The following LPXN variants were observed in gnomAD, a reference collection of about 807,000 sequenced individuals.
The protein encoded by LPXN is leupaxin.
In LPXN, 28 loss-of-function variants were observed where a neutral mutation model predicts 45.6. The observed-to-expected ratio is 0.61, with a 90% CI of 0.45 to 0.84. The LOEUF is 0.84. Ranked by LOEUF, LPXN falls within the 40% of genes least tolerant of loss-of-function variation. The pLI, the probability that LPXN is intolerant of heterozygous loss-of-function variation, is 0.00. For missense variants in LPXN, 459 were observed against 475.0 expected (o/e 0.97, Z 0.31); for synonymous variants, 166 against 169.9 (o/e 0.98, Z 0.18).
At chr11:58,555,417 A>G (rs978295727) in intron 3 of LPXN, among the ~76,000 whole-genome samples, 4 of 152,180 alleles carry the variant, frequency 2.6e-5, no homozygotes, top group African/African-American at 9.7e-5. Flanking sequence ...AGTTTAGATA[A>G]TATATATGAT....
At chr11:58,531,539 C>G (rs914570176) in intron 7 of LPXN, among the ~76,000 whole-genome samples, 2 of 151,808 alleles carry the variant, frequency 1.3e-5, no homozygotes, top group African/African-American at 4.8e-5. Flanking sequence ...ATAAAGCCTC[C>G]AAGAAATATG....
At chr11:58,570,137 T>G (rs1489435193) in intron 2 of LPXN, among the ~76,000 whole-genome samples, 4 of 152,012 alleles carry the variant, frequency 2.6e-5, no homozygotes, top group Non-Finnish European at 5.9e-5. Context: ...AACCCGTCTC[T>G]ACTAAAAATA....
chr11:58,561,868 C>T (rs1179614480), intron 3 of LPXN, among the ~76,000 whole-genome samples: 2 of 152,138 alleles, frequency 1.3e-5, no homozygotes, highest in Non-Finnish European at 1.5e-5. Context: ...AAATGAGAGA[C>T]CTTGAAGAGT....
chr11:58,555,898 T>G (rs985210831), intron 3 of LPXN, among the ~76,000 whole-genome samples: 1 of 151,810 alleles, frequency 6.6e-6, no homozygotes, highest in African/African-American at 2.4e-5. Flanking sequence ...AACTTCCAAG[T>G]CAAGAGTCTC....
At chr11:58,539,069 G>A (rs2120241869) in intron 7 of LPXN, among the ~76,000 whole-genome samples, 1 of 152,290 alleles carries the variant, frequency 6.6e-6, no homozygotes, top group Admixed American at 6.5e-5. Context: ...AACTTTGAGA[G>A]GCTGAGGCGG....
chr11:58,560,482 C>G (rs539976337), intron 3 of LPXN, among the ~76,000 whole-genome samples: 1 of 152,264 alleles, frequency 6.6e-6, no homozygotes, highest in African/African-American at 2.4e-5. Context: ...TTGGCTGATA[C>G]CATTACACTT....
intron 3 of LPXN, among the ~76,000 whole-genome samples, chr11:58,561,282 G>C (rs1239783573): frequency 6.6e-6 from 1 of 152,136 alleles, no homozygotes; most frequent in African/African-American, 2.4e-5. Context: ...AAGAAAAGTT[G>C]ATACTTTTCT....
At chr11:58,540,090 A>G (rs1853669780) in intron 7 of LPXN, among the ~76,000 whole-genome samples, 1 of 152,144 alleles carries the variant, frequency 6.6e-6, no homozygotes, top group Admixed American at 6.6e-5. Flanking sequence ...CAGACCCCCG[A>G]AAACTGAACC....
rs374118667 is a variant in LPXN at position 58,543,897 on chromosome 11, T to A, written c.742+5889A>T. 5.3e-5 allele frequency among the ~76,000 whole-genome samples: 8 copies of A among 152,270 alleles called. No homozygotes were observed. The South Asian group carries it at 8.3e-4, about 16-fold the overall frequency. On this transcript the variant is annotated intron_variant, in intron 7 of 8. Coordinates refer to ENST00000395074, the MANE Select transcript of LPXN (RefSeq NM_004811.3). Reference sequence around the variant, plus strand: ...ATCAGCTTTGATAATAGCAGCCAGATCACAACATGACAATAGAAGCAGCTA... The same window carrying A: ...ATCAGCTTTGATAATAGCAGCCAGAACACAACATGACAATAGAAGCAGCTA...
intron 2 of LPXN, among the ~76,000 whole-genome samples, chr11:58,564,976 G>A (rs1000645764): frequency 1.3e-5 from 2 of 152,168 alleles, no homozygotes; most frequent in Non-Finnish European, 2.9e-5. Flanking sequence ...GTGGAACCAC[G>A]AGAAGGAGAG....
At chr11:58,529,623 A>G (rs1853327062) in intron 7 of LPXN, among the ~76,000 whole-genome samples, 1 of 151,680 alleles carries the variant, frequency 6.6e-6, no homozygotes, top group African/African-American at 2.4e-5. Context: ...AAAAAAAAAA[A>G]AGTAAAAAAA....
chr11:58,577,618 C>A (rs1257850471), upstream of LPXN, among the ~76,000 whole-genome samples: 3 of 152,162 alleles, frequency 2.0e-5, no homozygotes, highest in South Asian at 4.1e-4. Context: ...CGGAAATTCC[C>A]TTTGATGAAT....
intron 4 of LPXN, among the ~76,000 whole-genome samples, chr11:58,552,173 G>A (rs1304407845): frequency 6.6e-6 from 1 of 152,220 alleles, no homozygotes; most frequent in East Asian, 1.9e-4. Context: ...TGAATACAGG[G>A]AGATTTTCAG....
At chr11:58,545,516 T>C (rs964009847) in intron 7 of LPXN, among the ~76,000 whole-genome samples, 1 of 152,190 alleles carries the variant, frequency 6.6e-6, no homozygotes, top group Non-Finnish European at 1.5e-5. Context: ...CAATGAAAAA[T>C]GCTGCTTAGG....
At chr11:58,557,637 T>C (rs1854244550) in intron 3 of LPXN, among the ~76,000 whole-genome samples, 1 of 152,156 alleles carries the variant, frequency 6.6e-6, no homozygotes, top group Non-Finnish European at 1.5e-5. Context: ...ATGTACAACA[T>C]AAGAACTATC....
chr11:58,569,374 G>A (rs1433581772), intron 2 of LPXN, among the ~76,000 whole-genome samples: 1 of 151,842 alleles, frequency 6.6e-6, no homozygotes, highest in African/African-American at 2.4e-5. Context: ...TTTGATTTCT[G>A]AGTTTTGTTT....
At chr11:58,577,043 T>C (rs371386727), upstream of LPXN, among the ~76,000 whole-genome samples, 3 of 152,176 alleles carry the variant, frequency 2.0e-5, no homozygotes, top group African/African-American at 7.2e-5. Context: ...CCTCCCACTT[T>C]GGCATCCAAA....
chr11:58,567,589 A>G (rs1252919553), intron 2 of LPXN, among the ~76,000 whole-genome samples: 1 of 152,248 alleles, frequency 6.6e-6, no homozygotes, highest in Non-Finnish European at 1.5e-5. Context: ...ACATGTACAT[A>G]GGCCTCCTGC....
chr11:58,570,057 A>G (rs1019988907), intron 2 of LPXN, among the ~76,000 whole-genome samples: 9 of 152,116 alleles, frequency 5.9e-5, no homozygotes, highest in Admixed American at 2.0e-4. Flanking sequence ...TAATCCCAGC[A>G]ATTTGGGAGG....
Sources: gnomAD v4.1 joint callset for allele counts (sites outside exome capture counted in the v4.1 genomes callset) on GRCh38, gnomAD v4.1.1 for gene constraint, MANE v1.5 for transcripts, NCBI Gene and HGNC (gene_info 2026-07-23, HGNC 2026-07-21) for gene names.